Variants in RAPGEF1 observed in about 807,000 individuals in gnomAD.
RAPGEF1 encodes Rap guanine nucleotide exchange factor 1, also known as CRK SH3-binding GNRP.
RAPGEF1 carries 33 observed loss-of-function variants against 143.3 expected under a neutral mutation model. That is an observed-to-expected ratio of 0.23 (90% confidence interval 0.17 to 0.31). The LOEUF is 0.31. Ranked by LOEUF, RAPGEF1 falls within the 10% of genes least tolerant of loss-of-function variation. The probability of loss-of-function intolerance (pLI) is 1.00; values close to 1 mark genes in which losing one functional copy is unlikely to be tolerated. For synonymous variants in RAPGEF1, 629 were observed against 676.5 expected (o/e 0.93, Z 1.09); for missense variants, 1,199 against 1,645.4 (o/e 0.73, Z 4.69).
At chr9:131,594,562 C>T (rs770764445) in intron 17 of RAPGEF1, among the ~76,000 whole-genome samples, 6 of 152,212 alleles carry the variant, frequency 3.9e-5, no homozygotes, top group Non-Finnish European at 8.8e-5. Flanking sequence ...GATGCTGGTG[C>T]AGTCTCTGGC....
At chr9:131,586,035 T>G (rs1454757985) in intron 22 of RAPGEF1, among the ~76,000 whole-genome samples, 2 of 152,018 alleles carry the variant, frequency 1.3e-5, no homozygotes, top group South Asian at 2.1e-4. Context: ...AAAAATTAGC[T>G]GGGTGTGGTG....
chr9:131,633,299 G>C (rs532945596), intron 5 of RAPGEF1, among the ~76,000 whole-genome samples: 1 of 152,204 alleles, frequency 6.6e-6, no homozygotes, highest in Non-Finnish European at 1.5e-5. Flanking sequence ...ACCGCCTGGA[G>C]GAGGGAGGAC....
intron 10 of RAPGEF1, among the ~76,000 whole-genome samples, chr9:131,623,691 T>C (rs1961991949): frequency 6.6e-6 from 1 of 152,190 alleles, no homozygotes; most frequent in Admixed American, 6.5e-5. Flanking sequence ...GGCCTGGGAC[T>C]GTGGGGATTT....
chr9:131,690,633 T>C (rs1246348720), intron 1 of RAPGEF1, among the ~76,000 whole-genome samples: 1 of 151,980 alleles, frequency 6.6e-6, no homozygotes, highest in Non-Finnish European at 1.5e-5. Context: ...ACCTCATCTC[T>C]ACCAAAAAAA....
intron 5 of RAPGEF1, among the ~76,000 whole-genome samples, chr9:131,633,924 G>A (rs1377241000): frequency 3.3e-5 from 5 of 152,344 alleles, no homozygotes; most frequent in African/African-American, 1.2e-4. Context: ...AATTTTTTGA[G>A]AGGGATGTCA....
intron 4 of RAPGEF1, among the ~76,000 whole-genome samples, chr9:131,642,817 T>A: frequency 6.6e-6 from 1 of 152,232 alleles, no homozygotes; most frequent in East Asian, 1.9e-4. Context: ...GAGGCCCTGC[T>A]GGTGCTCTTC....
In RAPGEF1 at chr9:131,619,206, C is replaced by T. The variant is rs1174423802; in HGVS notation, c.1906G>A (p.Ala636Thr). 46 of 1,304,172 alleles carry T rather than the reference C, an allele frequency of 3.5e-5. No homozygotes were observed. The Admixed American group carries it at 1.0e-3, about 29-fold the overall frequency. 80.8% of individuals were successfully genotyped at this position (1,304,172 alleles called of 1,614,324 possible). Residue 636 changes from alanine (A) to threonine (T), a missense_variant and splice_region_variant, in exon 12 of 27, where the codon GCC (alanine) becomes ACC (threonine). This residue lies in a region of RAPGEF1 where 293 missense variants were observed against 356.2 expected (regional missense o/e 0.82). Transcript: ENST00000683357. ...GAGAAGGAAGAAGCAGCACAGGAGG[C>T]CTGCTGGACAGAGGGGAGGAGAGAG... ...PALPPKQRQL[A>T]SCAASSFSSV...
intron 1 of RAPGEF1, among the ~76,000 whole-genome samples, chr9:131,700,796 A>C (rs572177028): frequency 2.8e-4 from 42 of 152,334 alleles, no homozygotes; most frequent in African/African-American, 9.6e-4. Context: ...GTGCCGGAGA[A>C]GCCAGAAGGC....
chr9:131,726,964 ACTG>A (rs1460420972), intron 1 of RAPGEF1, among the ~76,000 whole-genome samples: 4 of 152,050 alleles, frequency 2.6e-5, no homozygotes, highest in Non-Finnish European at 5.9e-5. Flanking sequence ...CGATGGTACC[ACTG>A]CACTCTAGCC....
intron 6 of RAPGEF1, 72 bp downstream of exon 6, chr9:131,630,164 C>T: frequency 7.4e-7 from 1 of 1,347,826 alleles, no homozygotes; most frequent in Non-Finnish European, 1.1e-6. Flanking sequence ...CCCCACCGGG[C>T]CCTATCCTTG....
At chr9:131,681,280 C>T (rs943478657) in intron 1 of RAPGEF1, among the ~76,000 whole-genome samples, 2 of 152,064 alleles carry the variant, frequency 1.3e-5, no homozygotes, top group Non-Finnish European at 2.9e-5. Flanking sequence ...AAATTAGTTG[C>T]CCCAGTGACT....
At chr9:131,709,168 G>C (rs1485169676) in intron 1 of RAPGEF1, among the ~76,000 whole-genome samples, 1 of 152,180 alleles carries the variant, frequency 6.6e-6, no homozygotes, top group South Asian at 2.1e-4. Flanking sequence ...CCAAGATGGT[G>C]AAACTCCATC....
chr9:131,645,143 C>T (rs1969197692), intron 3 of RAPGEF1, among the ~76,000 whole-genome samples: 1 of 152,218 alleles, frequency 6.6e-6, no homozygotes, highest in African/African-American at 2.4e-5. Flanking sequence ...ACCTCGTGGA[C>T]AAGAGCTCTC....
At chr9:131,685,774 G>A (rs955018818) in intron 1 of RAPGEF1, among the ~76,000 whole-genome samples, 2 of 152,112 alleles carry the variant, frequency 1.3e-5, no homozygotes, top group Non-Finnish European at 2.9e-5. Context: ...CTCTAGCGCC[G>A]CTGGGTTAGG....
At chr9:131,623,561 C>T (rs934781962) in intron 10 of RAPGEF1, among the ~76,000 whole-genome samples, 3 of 152,234 alleles carry the variant, frequency 2.0e-5, no homozygotes, top group African/African-American at 7.2e-5. Flanking sequence ...AGTGATGCTC[C>T]CAGCCTTCTA....
chr9:131,686,901 A>G (rs1833394526), intron 1 of RAPGEF1, among the ~76,000 whole-genome samples: 1 of 152,242 alleles, frequency 6.6e-6, no homozygotes, highest in Admixed American at 6.5e-5. Flanking sequence ...TCGTCATACT[A>G]TAATTATTTA....
At chr9:131,724,226 T>C (rs949317510) in intron 1 of RAPGEF1, among the ~76,000 whole-genome samples, 2 of 152,166 alleles carry the variant, frequency 1.3e-5, no homozygotes, top group Admixed American at 6.5e-5. Flanking sequence ...AGGTTTGATA[T>C]TCAATTTTCA....
At chr9:131,729,769 G>C (rs1031456525) in intron 1 of RAPGEF1, among the ~76,000 whole-genome samples, 2 of 152,188 alleles carry the variant, frequency 1.3e-5, no homozygotes, top group African/African-American at 4.8e-5. Flanking sequence ...TATAAGAACA[G>C]AATTAATTAA....
intron 1 of RAPGEF1, among the ~76,000 whole-genome samples, chr9:131,684,080 C>T (rs953982254): frequency 6.6e-6 from 1 of 152,234 alleles, no homozygotes; most frequent in African/African-American, 2.4e-5. Flanking sequence ...AACGCAGATA[C>T]AGCATTACCT....
Sources: allele counts gnomAD v4.1 joint callset (sites outside exome capture counted in the v4.1 genomes callset), GRCh38; gene constraint gnomAD v4.1.1; regional missense constraint gnomAD v4.1.1; transcripts MANE v1.5; gene names NCBI Gene and HGNC (gene_info 2026-07-23, HGNC 2026-07-21).